ANAPC5: variants seen among roughly 807,000 people sequenced by gnomAD.
The protein encoded by ANAPC5 is anaphase-promoting complex subunit 5.
Under a neutral mutation model 91.3 loss-of-function variants are expected in ANAPC5, and 60 were observed. The ratio of observed to expected loss-of-function variants is 0.66; its 90% CI spans 0.53 to 0.81. The LOEUF (loss-of-function observed/expected upper bound fraction) is 0.81, where lower values mean the gene tolerates loss of function less well. ANAPC5 is among the 40% of genes least tolerant of loss of function. ANAPC5 has a pLI of 0.00. For synonymous variants in ANAPC5, 340 were observed against 364.1 expected, an observed-to-expected ratio of 0.93 and a Z score of 0.75; for missense variants, 690 against 931.5, an observed-to-expected ratio of 0.74 and a Z score of 3.37.
Position 121,352,351 on chromosome 12 carries a change from GACT to G in ANAPC5, c.-14_-12del. On this transcript the variant is annotated 5_prime_UTR_variant, in exon 1 of 17. Coordinates refer to ENST00000261819, the MANE Select transcript of ANAPC5 (RefSeq NM_016237.5). ...GTGGACGCTGGCCATGGCGGCCCGAGACTAAGTCTCGGGCCCGCGGCGCGCTGC... is the reference window on the plus strand; with the variant it reads ...GTGGACGCTGGCCATGGCGGCCCGAGAAGTCTCGGGCCCGCGGCGCGCTGC... 19 of 1,586,634 alleles carry G rather than the reference GACT, an allele frequency of 1.2e-5. No homozygotes were observed. Among genetic ancestry groups the G allele is most frequent in the Non-Finnish European group, 1.5e-5 (17 of 1,163,384 alleles).
At chr12:121,322,749 G>A (rs1003398230) in intron 11 of ANAPC5, among the ~76,000 whole-genome samples, 8 of 152,088 alleles carry the variant, frequency 5.3e-5, no homozygotes, top group Admixed American at 2.6e-4. Flanking sequence ...TAGGCTGGGT[G>A]CGGTAGCTCA....
Position 121,352,326 on chromosome 12 carries a change from G to C in ANAPC5, c.15C>G (p.His5Gln). The change falls in exon 1 of 17, where the codon CAC (histidine) becomes CAG (glutamine). Residue 5 changes from histidine (H) to glutamine (Q), a missense_variant. By Grantham distance (24) the His-to-Gln change is conservative. This residue lies in a region of ANAPC5 where 238 missense variants were observed against 264.9 expected (regional missense o/e 0.90). Transcript: ENST00000261819. The part of the protein sequence containing the change: MASV[H>Q]ESLYFNPMMT... ...TCATGGGATTGAAGTAGAGGCTCTC[G>C]TGGACGCTGGCCATGGCGGCCCGAG... 6.2e-7 allele frequency: 1 copy of C among 1,605,668 alleles called. No homozygotes were observed.
intron 14 of ANAPC5, 36 bp from the exon 15 acceptor site, chr12:121,318,460 C>T (rs2046810334): frequency 6.2e-7 from 1 of 1,611,114 alleles, no homozygotes; most frequent in African/African-American, 1.3e-5. Context: ...ATGAGAAGAT[C>T]CACCACCACA....
At chr12:121,341,345 C>T (rs891382840) in intron 5 of ANAPC5, among the ~76,000 whole-genome samples, 5 of 151,982 alleles carry the variant, frequency 3.3e-5, no homozygotes, top group African/African-American at 1.2e-4. Flanking sequence ...TGGTGCACGC[C>T]TGTAATCCCA....
chr12:121,314,466 AT>A (rs1566179064), intron 15 of ANAPC5, among the ~76,000 whole-genome samples: 1 of 152,090 alleles, frequency 6.6e-6, no homozygotes, highest in Non-Finnish European at 1.5e-5. Context: ...GAAAAAAAAA[AT>A]TTGACAAAAT....
intron 1 of ANAPC5, among the ~76,000 whole-genome samples, chr12:121,349,868 G>A (rs935046921): frequency 6.6e-6 from 1 of 151,674 alleles, no homozygotes; most frequent in Non-Finnish European, 1.5e-5. Context: ...CACAATGCCC[G>A]GCTAATTTTT....
intron 4 of ANAPC5, among the ~76,000 whole-genome samples, chr12:121,344,394 C>T (rs1409948601): frequency 6.6e-6 from 1 of 152,110 alleles, no homozygotes; most frequent in East Asian, 1.9e-4. Flanking sequence ...GCCTGGCCAA[C>T]ACAGTGAAAC....
Position 121,327,124 on chromosome 12 carries a change from CAG to C in ANAPC5, c.1410_1411del (p.Cys471ProfsTer17). 2 of 1,610,444 alleles carry C rather than the reference CAG, an allele frequency of 1.2e-6. No homozygotes were observed. Among genetic ancestry groups the C allele is most frequent in the Non-Finnish European group, 1.7e-6 (2 of 1,178,906 alleles). ...CTCCGCGTGTAGCTCTGCGAGGTGG[CAG>C]AGTGCGACAGCAAAGGACTCTGTGT... On this transcript the variant is annotated frameshift_variant, in exon 11 of 17. Transcript: ENST00000261819. LOFTEE classifies it high-confidence loss of function.
chr12:121,312,250 G>A (rs946966774), intron 15 of ANAPC5, among the ~76,000 whole-genome samples: 8 of 152,092 alleles, frequency 5.3e-5, no homozygotes, highest in Non-Finnish European at 1.0e-4. Context: ...ATTAGAAAAT[G>A]CAATGAGGTG....
chr12:121,308,426 T>C lies in ANAPC5; in HGVS notation c.*54A>G. The C allele has an allele frequency of 6.7e-7, 1 of 1,484,280 alleles. No homozygotes were observed. Among genetic ancestry groups the C allele is most frequent in the African/African-American group, 1.4e-5 (1 of 72,390 alleles). The allele number at this position is 1,484,280 out of a possible 1,614,324, so 91.9% of individuals were successfully genotyped here. Reference sequence around the variant, plus strand: ...ATCATTTATAGGGAGAGAGGGGACATGAACAAGTCCAAAATCTTATACTCT... The same window carrying C: ...ATCATTTATAGGGAGAGAGGGGACACGAACAAGTCCAAAATCTTATACTCT... On this transcript the variant is annotated 3_prime_UTR_variant, in exon 17 of 17. Coordinates refer to ENST00000261819, the MANE Select transcript of ANAPC5 (RefSeq NM_016237.5).
intron 11 of ANAPC5, 126 bp from the exon 12 acceptor site, chr12:121,320,585 CAG>C (rs1902555765): frequency 1.5e-6 from 1 of 649,656 alleles, no homozygotes; most frequent in Admixed American, 2.9e-5. Context: ...AGATACTGGT[CAG>C]AGACTCAAAT....
At chr12:121,314,916 C>T (rs1902296902) in intron 15 of ANAPC5, among the ~76,000 whole-genome samples, 1 of 151,974 alleles carries the variant, frequency 6.6e-6, no homozygotes, top group East Asian at 1.9e-4. Context: ...TGTGAGACAC[C>T]GAGCCAAGAC....
chr12:121,349,431 G>A (rs1555275060), intron 1 of ANAPC5, among the ~76,000 whole-genome samples: 1 of 151,890 alleles, frequency 6.6e-6, no homozygotes, highest in Admixed American at 6.6e-5. Flanking sequence ...ATGGTGGCAG[G>A]TGCCTGTAGT....
chr12:121,352,374 C>T lies in ANAPC5; in HGVS notation c.-34G>A, dbSNP rs782177661. On this transcript the variant is annotated 5_prime_UTR_variant, in exon 1 of 17. Coordinates refer to ENST00000261819, the MANE Select transcript of ANAPC5 (RefSeq NM_016237.5). The stretch of plus-strand genomic sequence containing the variant: ...GAGACTAAGTCTCGGGCCCGCGGCG[C>T]GCTGCCGCCAGTTGTCACCACAAGG... 12 of 1,556,970 alleles carry T rather than the reference C, an allele frequency of 7.7e-6. No individual in the cohort carries two copies. In the African/African-American group the frequency reaches 1.5e-4, roughly 20 times the overall value.
At chr12:121,344,579 C>G (rs529760706) in intron 4 of ANAPC5, among the ~76,000 whole-genome samples, 176 of 139,030 alleles carry the variant, frequency 1.3e-3, no homozygotes, top group Non-Finnish European at 2.3e-3. Context: ...GAGACTTGAT[C>G]TCAAAAAAAA....
intron 5 of ANAPC5, among the ~76,000 whole-genome samples, chr12:121,341,684 T>C (rs541311079): frequency 6.6e-6 from 1 of 152,352 alleles, no homozygotes; most frequent in East Asian, 1.9e-4. Flanking sequence ...TCAGGCTCTC[T>C]TTATGTTTGC....
rs891289199 is a variant in ANAPC5 at position 121,347,584 on chromosome 12, T to G, written c.287+218A>C. 5 of 524,924 alleles carry G rather than the reference T, an allele frequency of 9.5e-6. No homozygotes were observed. In the Admixed American group the frequency reaches 1.7e-4, roughly 18 times the overall value. 32.5% of individuals were successfully genotyped at this position (524,924 alleles called of 1,614,324 possible). ...AAGTCCAGGCTGCGTTGAGCCCTGATTGCACCATTGTACTCCAGCCTGGGC... is the reference window on the plus strand; with the variant it reads ...AAGTCCAGGCTGCGTTGAGCCCTGAGTGCACCATTGTACTCCAGCCTGGGC... On this transcript the variant is annotated intron_variant, in intron 2 of 16. Coordinates refer to ENST00000261819, the MANE Select transcript of ANAPC5 (RefSeq NM_016237.5).
At position 121,327,318 on chromosome 12, in the gene ANAPC5, C is replaced by T. The variant is rs547367671; in HGVS notation, c.1305-87G>A. On this transcript the variant is annotated intron_variant, in intron 10 of 16. Transcript: ENST00000261819. Reference sequence around the variant, plus strand: ...GCCCGTCAGCTATCTTGAGTGGAGGCGTAAAGTCATACACCTCACAGGCTC... The same window carrying T: ...GCCCGTCAGCTATCTTGAGTGGAGGTGTAAAGTCATACACCTCACAGGCTC... 3.5e-5 allele frequency: 53 copies of T among 1,522,214 alleles called. No homozygotes were observed. The East Asian group carries it at 1.2e-3, about 34-fold the overall frequency. 94.3% of individuals were successfully genotyped at this position (1,522,214 alleles called of 1,614,324 possible).
chr12:121,345,755 G>A, intron 4 of ANAPC5, 84 bp downstream of exon 4: 1 of 1,382,942 alleles, frequency 7.2e-7, no homozygotes, highest in Non-Finnish European at 1.0e-6. Flanking sequence ...GCCAGCACGT[G>A]AATTCTAAAT....
Sources: allele counts gnomAD v4.1 joint callset (sites outside exome capture counted in the v4.1 genomes callset), GRCh38; gene constraint gnomAD v4.1.1; regional missense constraint gnomAD v4.1.1; transcripts MANE v1.5; gene names NCBI Gene and HGNC (gene_info 2026-07-23, HGNC 2026-07-21).